The following RYR2 variants were observed in gnomAD, a reference collection of about 807,000 sequenced individuals.
RYR2 encodes the protein cardiac muscle ryanodine receptor-calcium release channel.
RYR2 carries 227 observed loss-of-function variants against 601.1 expected under a neutral mutation model. That is an observed-to-expected ratio of 0.38 (90% CI 0.34 to 0.42). RYR2 has a LOEUF of 0.42. Ranked by LOEUF, RYR2 falls within the 10% of genes least tolerant of loss-of-function variation. The pLI is 1.00. For missense variants in RYR2, 4,646 were observed against 6,156.5 expected (o/e 0.75, Z 8.21); for synonymous variants, 2,223 against 2,175.1 (o/e 1.02, Z -0.61).
rs141859294 is a variant in RYR2 at position 237,720,802 on chromosome 1, A to G, written c.10554+2281A>G. Among the ~76,000 whole-genome samples, 3 of 152,320 alleles carry G rather than the reference A, an allele frequency of 2.0e-5. No individual in the cohort carries two copies. In the East Asian group the frequency reaches 5.8e-4, roughly 29 times the overall value. The stretch of plus-strand genomic sequence containing the variant: ...CTGGGCCAATCTCAAGAAATGGTCA[A>G]ATAAAGGTGGTTATGATTATAAGCA... On this transcript the variant is annotated intron_variant, in intron 73 of 104. Transcript: ENST00000366574.
At chr1:237,566,457 G>A in intron 27 of RYR2, 110 bp from the exon 28 acceptor site, 2 of 1,108,866 alleles carry the variant, frequency 1.8e-6, no homozygotes, top group African/African-American at 1.6e-5. Flanking sequence ...ATCGCTCTAG[G>A]TTGAATTACT....
chr1:237,508,708 C>T (rs1665524852), intron 23 of RYR2, among the ~76,000 whole-genome samples: 1 of 149,310 alleles, frequency 6.7e-6, no homozygotes. Flanking sequence ...ACATTCCTGC[C>T]ATGTTCAAGA....
At chr1:237,745,429 G>A (rs975418063) in intron 80 of RYR2, among the ~76,000 whole-genome samples, 1 of 152,170 alleles carries the variant, frequency 6.6e-6, no homozygotes, top group Non-Finnish European at 1.5e-5. Flanking sequence ...TTCCTAAGTA[G>A]CATAAAAGTT....
At chr1:237,131,930 C>T (rs1209492567) in intron 1 of RYR2, among the ~76,000 whole-genome samples, 1 of 152,016 alleles carries the variant, frequency 6.6e-6, no homozygotes, top group Non-Finnish European at 1.5e-5. Flanking sequence ...CCCTACGTTG[C>T]CCAGGCTGGT....
In RYR2 at chr1:237,163,325, G is replaced by A. The variant is rs981737799; in HGVS notation, c.49-107172G>A. ...AGTTACAGAAAAGAGGTTGTAGCTA[G>A]CAAAAAGTACCGCCCACCCCCAACC... On this transcript the variant is annotated intron_variant, in intron 1 of 104. Coordinates refer to ENST00000366574, the MANE Select transcript of RYR2 (RefSeq NM_001035.3). 3.3e-5 allele frequency among the ~76,000 whole-genome samples: 5 copies of A among 151,506 alleles called. No individual in the cohort carries two copies. The East Asian group carries it at 9.8e-4, about 30-fold the overall frequency.
chr1:237,283,552 A>C (rs10802596), intron 2 of RYR2, among the ~76,000 whole-genome samples: 1 of 151,830 alleles, frequency 6.6e-6, no homozygotes, highest in African/African-American at 2.4e-5. Flanking sequence ...TTTTGACTGG[A>C]TTTCCTTATT....
chr1:237,591,642 G>T, intron 31 of RYR2, 97 bp from the exon 32 acceptor site: 2 of 983,532 alleles, frequency 2.0e-6, no homozygotes, highest in Non-Finnish European at 1.6e-6. Context: ...GAGCAAAATC[G>T]CCCAGGTTTA....
intron 10 of RYR2, among the ~76,000 whole-genome samples, chr1:237,393,642 A>G (rs1436126189): frequency 6.6e-6 from 1 of 152,234 alleles, no homozygotes; most frequent in African/African-American, 2.4e-5. Context: ...CAGGTCCTGC[A>G]TATATCTTTT....
At chr1:237,525,450 T>G (rs1284282617) in intron 24 of RYR2, among the ~76,000 whole-genome samples, 1 of 128,020 alleles carries the variant, frequency 7.8e-6, no homozygotes, top group Admixed American at 8.0e-5. Context: ...TTTTTTTTGT[T>G]TGTTTGTTTT....
intron 6 of RYR2, 36 bp from the exon 7 acceptor site, chr1:237,374,681 A>G: frequency 6.5e-7 from 1 of 1,549,244 alleles, no homozygotes; most frequent in Non-Finnish European, 8.9e-7. Flanking sequence ...GACGAACAAA[A>G]CCTCTACTTA....
intron 1 of RYR2, among the ~76,000 whole-genome samples, chr1:237,051,474 T>C (rs1352086091): frequency 1.3e-5 from 2 of 151,580 alleles, no homozygotes; most frequent in Non-Finnish European, 2.9e-5. Flanking sequence ...TGTCCACATG[T>C]CTTTTTGAGG....
chr1:237,342,593 A>G (rs1475498869), intron 3 of RYR2, among the ~76,000 whole-genome samples: 2 of 152,218 alleles, frequency 1.3e-5, no homozygotes, highest in African/African-American at 4.8e-5. Flanking sequence ...CAGATGGAAC[A>G]TTCTGAGAGT....
intron 2 of RYR2, among the ~76,000 whole-genome samples, chr1:237,284,235 G>C (rs1691205170): frequency 6.6e-6 from 1 of 151,864 alleles, no homozygotes. Context: ...ATACAAATCA[G>C]CCGGGCGTGG....
chr1:237,793,395 G>A (rs535579178), intron 94 of RYR2, among the ~76,000 whole-genome samples: 7 of 152,220 alleles, frequency 4.6e-5, no homozygotes, highest in Admixed American at 1.3e-4. Flanking sequence ...TGCTGATGTC[G>A]AAATTAAAAT....
At chr1:237,343,010 A>T (rs58395953) in intron 3 of RYR2, among the ~76,000 whole-genome samples, 1 of 152,082 alleles carries the variant, frequency 6.6e-6, no homozygotes, top group Non-Finnish European at 1.5e-5. Flanking sequence ...GGAGTTTGAG[A>T]CCAGCTTGGG....
chr1:237,059,921 G>A (rs111502854), intron 1 of RYR2, among the ~76,000 whole-genome samples: 3 of 152,274 alleles, frequency 2.0e-5, no homozygotes, highest in African/African-American at 4.8e-5. Flanking sequence ...TCTGTAGGGT[G>A]CTGTAGACTT....
intron 1 of RYR2, among the ~76,000 whole-genome samples, chr1:237,056,074 C>T (rs1297697544): frequency 1.4e-5 from 2 of 147,630 alleles, no homozygotes; most frequent in Non-Finnish European, 3.0e-5. Context: ...AGGACTGGAG[C>T]ACTGCACCTG....
intron 16 of RYR2, among the ~76,000 whole-genome samples, chr1:237,463,469 T>C (rs1168413598): frequency 6.6e-6 from 1 of 152,122 alleles, no homozygotes; most frequent in East Asian, 1.9e-4. Context: ...CCTCCGGGGA[T>C]AGGATGATAC....
chr1:237,780,892 A>AAGTT (rs1463600818), intron 88 of RYR2, among the ~76,000 whole-genome samples: 1 of 152,176 alleles, frequency 6.6e-6, no homozygotes, highest in Admixed American at 6.5e-5. Context: ...CACCTAGAAG[A>AAGTT]AGTTAGAAAG....
Sources: allele counts gnomAD v4.1 joint callset (sites outside exome capture counted in the v4.1 genomes callset), GRCh38; gene constraint gnomAD v4.1.1; transcripts MANE v1.5; gene names NCBI Gene and HGNC (gene_info 2026-07-23, HGNC 2026-07-21).